The following DGKD variants were observed in gnomAD, a reference collection of about 807,000 sequenced individuals.
DGKD encodes the protein DAG kinase delta.
Under a neutral mutation model 154.4 loss-of-function variants are expected in DGKD, and 68 were observed. The ratio of observed to expected loss-of-function variants is 0.44; its 90% CI spans 0.36 to 0.54. The LOEUF (loss-of-function observed/expected upper bound fraction) is 0.54. Ranked by LOEUF, DGKD falls within the 20% of genes least tolerant of loss-of-function variation. DGKD has a pLI of 0.00. For synonymous variants in DGKD, 693 were observed against 638.0 expected (o/e 1.09, Z -1.30); for missense variants, 1,343 against 1,593.6 (o/e 0.84, Z 2.68).
At chr2:233,386,763 A>G (rs1018493729) in intron 1 of DGKD, among the ~76,000 whole-genome samples, 1 of 152,178 alleles carries the variant, frequency 6.6e-6, no homozygotes, top group Non-Finnish European at 1.5e-5. Flanking sequence ...CTGATCCTCT[A>G]GAGTTGGAAA....
chr2:233,457,387 C>T lies in DGKD; in HGVS notation c.2580+59C>T, dbSNP rs2063494674. ...TCAGTGGGGAAGAGCTGTCTGAGAG[C>T]AGGGGGGTGTTCTGCTGTGGCTGGG... On this transcript the variant is annotated intron_variant, in intron 21 of 29. Transcript: ENST00000264057. The surrounding 1 kb of genome is among the most constrained non-coding windows in gnomAD (Gnocchi z 5.5). The T allele has an allele frequency of 7.8e-7, 1 of 1,277,842 alleles. No homozygotes were observed. Among genetic ancestry groups the T allele is most frequent in the South Asian group, 1.2e-5 (1 of 83,376 alleles). The allele number at this position is 1,277,842 out of a possible 1,614,324, so 79.2% of individuals were successfully genotyped here. A position where few individuals can be genotyped will look rare whatever the true frequency, so the allele number is the denominator to read the frequency against.
chr2:233,392,510 T>C (rs1703689822), intron 3 of DGKD: 1 of 152,252 alleles, frequency 6.6e-6, no homozygotes, highest in African/African-American at 2.4e-5. Context: ...TTGTTTTTTC[T>C]GTTTTTAATT....
At chr2:233,428,516 GAACATTATCAGGTTGCACCA>G (rs1248574644) in intron 3 of DGKD, among the ~76,000 whole-genome samples, 1 of 152,188 alleles carries the variant, frequency 6.6e-6, no homozygotes, top group East Asian at 1.9e-4. Context: ...ACAGTGCCCA[GAACATTATCAGGTTGCACCA>G]ACTGGCACCT....
At chr2:233,423,300 A>G (rs950267565) in intron 3 of DGKD, among the ~76,000 whole-genome samples, 6 of 152,298 alleles carry the variant, frequency 3.9e-5, no homozygotes, top group Admixed American at 2.6e-4. Flanking sequence ...GTCATATGCT[A>G]GTCACATGCT....
rs549030059 is a variant in DGKD at position 233,409,310 on chromosome 2, A to G, written c.348+18827A>G. Among the ~76,000 whole-genome samples the G allele has an allele frequency of 3.9e-5, 6 of 152,346 alleles. No homozygotes were observed. In the South Asian group the frequency reaches 8.3e-4, roughly 21 times the overall value. On this transcript the variant is annotated intron_variant, in intron 3 of 29. Coordinates refer to ENST00000264057, the MANE Select transcript of DGKD (RefSeq NM_152879.3). ...ACAAATGGCAGAGAAAACAAAGTGG[A>G]TAGTTGAGAGACTGTCATTGGATTA... is the stretch of plus-strand genomic sequence containing the variant.
At chr2:233,366,838 A>G (rs554656088) in intron 1 of DGKD, among the ~76,000 whole-genome samples, 1 of 152,162 alleles carries the variant, frequency 6.6e-6, no homozygotes, top group Non-Finnish European at 1.5e-5. Flanking sequence ...GAGGAGGACT[A>G]GTCAAAGAAG....
chr2:233,417,856 G>A lies in DGKD; in HGVS notation c.349-16524G>A, dbSNP rs115072745. ...TTGTGGGTATGGAGAGCAGGGGTAC[G>A]TGCTGCTGACACCTAGTTGGTAAAG... is the stretch of plus-strand genomic sequence containing the variant. On this transcript the variant is annotated intron_variant, in intron 3 of 29. Transcript: ENST00000264057. Among the ~76,000 whole-genome samples the A allele has an allele frequency of 2.8e-3, 433 of 152,230 alleles. 2 individuals are homozygous for A. The highest frequency in any genetic ancestry group is 9.7e-3 in the African/African-American group (403 of 41,526).
At chr2:233,443,817 C>G (rs2062975577) in intron 10 of DGKD, among the ~76,000 whole-genome samples, 1 of 152,210 alleles carries the variant, frequency 6.6e-6, no homozygotes, top group African/African-American at 2.4e-5. Context: ...ACAGTGGAAC[C>G]TTGTGGCTGA....
rs540127919 is a variant in DGKD at position 233,464,107 on chromosome 2, G to A, written c.3187-57G>A. The A allele has an allele frequency of 2.6e-4, 426 of 1,609,256 alleles. 1 individual carries two copies. Among genetic ancestry groups the A allele is most frequent in the African/African-American group, 2.7e-5 (2 of 74,952 alleles). On this transcript the variant is annotated intron_variant, in intron 26 of 29. Transcript: ENST00000264057. Reference sequence around the variant, plus strand: ...AGCGGACCTCACCCCCCTGGGCCTCGCGCTGATCAGCAGTGCACACTCTCC... The same window carrying A: ...AGCGGACCTCACCCCCCTGGGCCTCACGCTGATCAGCAGTGCACACTCTCC...
chr2:233,396,980 G>GCGC (rs1318063995), intron 3 of DGKD, among the ~76,000 whole-genome samples: 126 of 84,856 alleles, frequency 1.5e-3, no homozygotes, highest in Non-Finnish European at 1.9e-3. Context: ...GCTGGGGGGG[G>GCGC]CAGAGCGAGA....
intron 2 of DGKD, among the ~76,000 whole-genome samples, chr2:233,389,591 C>G (rs57073776): frequency 1.3e-5 from 2 of 149,566 alleles, no homozygotes; most frequent in African/African-American, 4.9e-5. Flanking sequence ...AAAAAAAACA[C>G]GACAAAATAA....
At chr2:233,415,592 TAAGGCATAGATAAATTTGAA>T (rs2061941198) in intron 3 of DGKD, among the ~76,000 whole-genome samples, 1 of 152,316 alleles carries the variant, frequency 6.6e-6, no homozygotes, top group Admixed American at 6.5e-5. Context: ...AGGCGTAGAT[TAAGGCATAGATAAATTTGAA>T]AAGGCATAGA....
chr2:233,435,112 A>G (rs1422442141), intron 5 of DGKD, among the ~76,000 whole-genome samples: 1 of 152,198 alleles, frequency 6.6e-6, no homozygotes, highest in Non-Finnish European at 1.5e-5. Flanking sequence ...CAGAGTGAAA[A>G]GGGAAGTGGT....
chr2:233,426,463 C>T (rs1477823098), intron 3 of DGKD, among the ~76,000 whole-genome samples: 1 of 152,034 alleles, frequency 6.6e-6, no homozygotes, highest in Non-Finnish European at 1.5e-5. Context: ...CTCCTGTGTG[C>T]CCCTCCTGTC....
intron 19 of DGKD, among the ~76,000 whole-genome samples, chr2:233,455,335 A>G (rs1022811899): frequency 6.6e-6 from 1 of 152,212 alleles, no homozygotes; most frequent in Non-Finnish European, 1.5e-5. Flanking sequence ...GGAGCGTGGG[A>G]GCCCCAAGGG....
At position 233,462,446 on chromosome 2, in the gene DGKD, C is replaced by A. The variant is rs767208790; in HGVS notation, c.3080C>A (p.Pro1027His). The A allele has an allele frequency of 1.8e-5, 29 of 1,597,436 alleles. No homozygotes were observed. The highest frequency in any genetic ancestry group is 1.7e-4 in the Middle Eastern group (1 of 6,048). The change falls in exon 25 of 30, where the codon CCC becomes CAC. Residue 1027 changes from proline to histidine, a missense_variant. Around this residue, in one of 6 missense-constraint regions of DGKD, gnomAD observed 429 missense variants for 496.3 expected, o/e 0.86. Transcript: ENST00000264057. Reference protein sequence around the residue: ...SKSMDRVYGKPRTTEGLNCSF... With the variant: ...SKSMDRVYGKHRTTEGLNCSF... Reference sequence around the variant, plus strand: ...TCCATGGACCGTGTGTATGGCAAGCCCAGAACCACAGAGGTAGCTATTCTG... The same window carrying A: ...TCCATGGACCGTGTGTATGGCAAGCACAGAACCACAGAGGTAGCTATTCTG...
At chr2:233,385,908 A>G (rs1338314768) in intron 1 of DGKD, 2 of 354,580 alleles carry the variant, frequency 5.6e-6, no homozygotes, top group Non-Finnish European at 1.1e-5. Flanking sequence ...TTTTCTGAGC[A>G]CTCTTGTTAT....
At position 233,458,488 on chromosome 2, in the gene DGKD, C is replaced by T. The variant is rs370226814; in HGVS notation, c.2694+91C>T. On this transcript the variant is annotated intron_variant, in intron 22 of 29. Coordinates refer to ENST00000264057, the MANE Select transcript of DGKD (RefSeq NM_152879.3). This position sits in a 1 kb window ranked among gnomAD's most constrained non-coding sequence, Gnocchi z 6.6. ...AGTGCATGGAGCCTGGGAGGGTGGG[C>T]GCTTTCCAGGGCCATGTGGCTGCCT... 1.5e-3 allele frequency: 1,488 copies of T among 997,260 alleles called. 37 individuals carry two copies. The South Asian group carries it at 0.018, about 12-fold the overall frequency. The allele number at this position is 997,260 out of a possible 1,614,324, so 61.8% of individuals were successfully genotyped here.
At chr2:233,386,441 G>A (rs1703182834) in intron 1 of DGKD, among the ~76,000 whole-genome samples, 2 of 151,910 alleles carry the variant, frequency 1.3e-5, no homozygotes, top group Middle Eastern at 3.4e-3. Flanking sequence ...TTATATCCTC[G>A]CTACCAGAAT....
Sources: gnomAD v4.1 joint callset for allele counts (sites outside exome capture counted in the v4.1 genomes callset) on GRCh38, gnomAD v4.1.1 for gene constraint, gnomAD v4.1.1 regional missense constraint, Gnocchi (gnomAD v3.1) non-coding constraint, MANE v1.5 for transcripts, NCBI Gene and HGNC (gene_info 2026-07-23, HGNC 2026-07-21) for gene names.